The following KIR2DL4 variants were observed in gnomAD, a reference collection of about 807,000 sequenced individuals.
The protein encoded by KIR2DL4 is killer cell immunoglobulin-like receptor 2DL4.
A neutral mutation model predicts 31.0 loss-of-function variants in KIR2DL4; 41 were observed. The ratio of observed to expected loss-of-function variants is 1.32; its 90% CI spans 1.03 to 1.72. The LOEUF is 1.72. Among genes scored for constraint, KIR2DL4 ranks in the 40% most tolerant of loss-of-function variants. The pLI, the probability that KIR2DL4 is intolerant of heterozygous loss-of-function variation, is 0.00. For missense variants in KIR2DL4, 438 were observed against 353.7 expected (o/e 1.24, Z -1.91); for synonymous variants, 164 against 133.6 (o/e 1.23, Z -1.57).
intron 4 of KIR2DL4, 133 bp from the exon 5 acceptor site, chr19:54,808,700 G>A (rs2060673616): frequency 1.3e-6 from 1 of 770,214 alleles, no homozygotes; most frequent in Non-Finnish European, 2.3e-6. Flanking sequence ...TGATTATGGA[G>A]AATGGGATGC....
intron 1 of KIR2DL4, 45 bp downstream of exon 1, chr19:54,803,736 T>G: frequency 6.3e-7 from 1 of 1,597,384 alleles, no homozygotes; most frequent in South Asian, 1.1e-5. Flanking sequence ...ACTATGGGCC[T>G]GCAGATTGGG....
At chr19:54,809,678 G>A (rs924993344) in intron 5 of KIR2DL4, among the ~76,000 whole-genome samples, 9 of 151,140 alleles carry the variant, frequency 6.0e-5, no homozygotes, top group African/African-American at 2.4e-5. Flanking sequence ...GGCTGGTCAC[G>A]CCTCTCACAC....
At chr19:54,805,052 C>T in exon 3 of KIR2DL4, 1 of 1,608,120 alleles carries the variant, frequency 6.2e-7, no homozygotes, top group South Asian at 1.1e-5. Flanking sequence ...CGGCACCCAG[C>T]AACCCCCTGG....
intron 4 of KIR2DL4, among the ~76,000 whole-genome samples, chr19:54,808,113 G>C (rs796207777): frequency 1.3e-5 from 2 of 150,494 alleles, no homozygotes; most frequent in East Asian, 3.9e-4. Context: ...CAGATGCATA[G>C]TTTGCAAATA....
intron 3 of KIR2DL4, among the ~76,000 whole-genome samples, chr19:54,805,523 G>C (rs1418719664): frequency 6.6e-6 from 1 of 151,442 alleles, no homozygotes; most frequent in Non-Finnish European, 1.5e-5. Flanking sequence ...GAAATCAATG[G>C]AACTGATTCT....
At chr19:54,807,844 G>T (rs2060619915) in intron 4 of KIR2DL4, among the ~76,000 whole-genome samples, 1 of 149,268 alleles carries the variant, frequency 6.7e-6, no homozygotes, top group Non-Finnish European at 1.5e-5. Flanking sequence ...CCACCACCTT[G>T]CCAACATTTG....
Position 54,804,899 on chromosome 19 carries a change from G to A in KIR2DL4, c.183G>A (p.Thr61=), listed in dbSNP as rs534098694. The A allele has an allele frequency of 1.9e-5, 31 of 1,612,006 alleles. 3 individuals are homozygous for A. Among genetic ancestry groups the A allele is most frequent in the Middle Eastern group, 3.3e-4 (2 of 6,050 alleles). ...ATCGTCGTGGGTTTAACATCTTCAC[G>A]CTGTACAAGAAAGATGGGGTCCCTG... The change falls in exon 3 of 8, where the codon ACG becomes ACA. Residue 61 remains threonine, a synonymous_variant. Transcript: ENST00000359085.
intron 5 of KIR2DL4, among the ~76,000 whole-genome samples, chr19:54,812,472 CT>C (rs2060920054): frequency 6.6e-6 from 1 of 151,394 alleles, no homozygotes; most frequent in African/African-American, 2.4e-5. Flanking sequence ...GACGTTCCTC[CT>C]GATCTCAGGA....
intron 1 of KIR2DL4, 80 bp from the exon 2 acceptor site, chr19:54,803,811 C>A: frequency 6.4e-7 from 1 of 1,563,960 alleles, no homozygotes; most frequent in Admixed American, 1.7e-5. Flanking sequence ...AATTTTCAGT[C>A]CAGCGTGGCG....
At chr19:54,805,424 A>G (rs1292445397) in intron 3 of KIR2DL4, among the ~76,000 whole-genome samples, 4 of 150,422 alleles carry the variant, frequency 2.7e-5, no homozygotes, top group Admixed American at 1.3e-4. Flanking sequence ...GAAGAGGAGA[A>G]TGGGGATTAG....
At chr19:54,805,069 T>C (rs2060429629) in exon 3 of KIR2DL4, 1 of 1,603,584 alleles carries the variant, frequency 6.2e-7, no homozygotes, top group Non-Finnish European at 8.5e-7. Flanking sequence ...CTGGTGATCA[T>C]GGTCACAGGT....
In KIR2DL4 at chr19:54,805,947, C is replaced by G; in HGVS notation, c.362-4C>G. ...CCTGAGGAAACTGCCTCTTCTCCTT[C>G]CAGGTCTATATGAGAAACCTTCGCT... is the stretch of plus-strand genomic sequence containing the variant. On this transcript the variant is annotated splice_region_variant and splice_polypyrimidine_tract_variant and intron_variant, in intron 3 of 7. Transcript: ENST00000359085. 4 of 1,600,380 alleles carry G rather than the reference C, an allele frequency of 2.5e-6. No individual in the cohort carries two copies. The highest frequency in any genetic ancestry group is 3.4e-6 in the Non-Finnish European group (4 of 1,175,360).
intron 4 of KIR2DL4, among the ~76,000 whole-genome samples, chr19:54,806,566 C>T (rs2147906395): frequency 6.6e-6 from 1 of 151,334 alleles, no homozygotes; most frequent in Non-Finnish European, 1.5e-5. Flanking sequence ...TCCCAGAAGC[C>T]CACCCTGGCC....
intron 6 of KIR2DL4, chr19:54,813,428 C>G: frequency 5.1e-6 from 4 of 788,194 alleles, no homozygotes; most frequent in Non-Finnish European, 8.0e-6. Context: ...GAACTGTATC[C>G]TCACGTCCCC....
chr19:54,805,973 T>C lies in KIR2DL4; in HGVS notation c.384T>C (p.Leu128=), dbSNP rs778634886. The change falls in exon 4 of 8, where the codon CTT becomes CTC. Residue 128 remains leucine (L), a synonymous_variant. Transcript: ENST00000359085. ...CAGGTCTATATGAGAAACCTTCGCT[T>C]ACAGCCCGGCCGGGCCCCACGGTTC... The C allele has an allele frequency of 6.8e-6, 11 of 1,606,996 alleles. No homozygotes were observed. Among genetic ancestry groups the C allele is most frequent in the South Asian group, 5.6e-5 (5 of 89,954 alleles).
intron 2 of KIR2DL4, 31 bp downstream of exon 2, chr19:54,803,957 T>C: frequency 6.3e-7 from 1 of 1,598,450 alleles, no homozygotes; most frequent in Non-Finnish European, 8.5e-7. Flanking sequence ...TGGGTTGCCA[T>C]CTTCACCCCA....
chr19:54,813,226 A>AC lies in KIR2DL4; in HGVS notation c.808_809insC (p.Lys270ThrfsTer109). 2 of 1,584,216 alleles carry AC rather than the reference A, an allele frequency of 1.3e-6. No homozygotes were observed. Among genetic ancestry groups the AC allele is most frequent in the Non-Finnish European group, 1.7e-6 (2 of 1,171,146 alleles). On this transcript the variant is annotated frameshift_variant and splice_region_variant, in exon 6 of 8. Transcript: ENST00000359085. LOFTEE classifies it high-confidence loss of function. ...CCTTCATCGCTGGTGCTCCAAAAAA[A>AC]AAGTAAGCCTCACGAAGCAGAGGCC...
Position 54,803,645 on chromosome 19 carries a change from C to A in KIR2DL4, c.-7C>A. On this transcript the variant is annotated 5_prime_UTR_variant, in exon 1 of 8. In the 5' UTR this introduces an upstream ATG that the reference lacks. Coordinates refer to ENST00000359085, the Ensembl canonical transcript of KIR2DL4. ...AGTCACTGCGTCCTGGCAGCAGAAG[C>A]TGCACCATGTCCATGTCACCCACGG... The A allele has an allele frequency of 6.2e-7, 1 of 1,612,312 alleles. No individual in the cohort carries two copies. The highest frequency in any genetic ancestry group is 1.7e-4 in the Middle Eastern group (1 of 6,050).
chr19:54,814,298 A>C, exon 8 of KIR2DL4: 1 of 638,824 alleles, frequency 1.6e-6, no homozygotes, highest in Non-Finnish European at 2.7e-6. Context: ...CTTACTTCCT[A>C]GTCTACTTGA....
Sources: allele counts gnomAD v4.1 joint callset (sites outside exome capture counted in the v4.1 genomes callset), GRCh38; gene constraint gnomAD v4.1.1; transcripts MANE v1.5; gene names NCBI Gene and HGNC (gene_info 2026-07-23, HGNC 2026-07-21).